ATAD2: variants seen among roughly 807,000 people sequenced by gnomAD.
ATAD2 encodes the protein ATPase family AAA domain-containing protein 2.
Under a neutral mutation model 168.9 loss-of-function variants are expected in ATAD2, and 62 were observed. That is an observed-to-expected ratio of 0.37 (90% CI 0.30 to 0.45). The LOEUF is 0.45. Ranked by LOEUF, ATAD2 falls within the 20% of genes least tolerant of loss-of-function variation. The pLI, the probability that ATAD2 is intolerant of heterozygous loss-of-function variation, is 1.00. For missense variants in ATAD2, 1,419 were observed against 1,667.8 expected, an observed-to-expected ratio of 0.85 and a Z score of 2.60; for synonymous variants, 613 against 571.6, an observed-to-expected ratio of 1.07 and a Z score of -1.03.
rs1563837124 is a variant in ATAD2 at position 123,337,724 on chromosome 8, ATCT to A, written c.2949_2951del (p.Glu983del). Reference sequence around the variant, plus strand: ...AGAAAATCCTCAGTTCTCTAAATGTATCTTCTTCTTGTTCTTCTAGTCGTTTCA... The same window carrying A: ...AGAAAATCCTCAGTTCTCTAAATGTATCTTCTTGTTCTTCTAGTCGTTTCA... On this transcript the variant is annotated inframe_deletion, in exon 21 of 28. Transcript: ENST00000287394. The A allele has an allele frequency of 2.5e-6, 4 of 1,613,846 alleles. No individual in the cohort carries two copies. The highest frequency in any genetic ancestry group is 1.7e-5 in the Admixed American group (1 of 59,952).
chr8:123,356,500 A>G, intron 12 of ATAD2, 23 bp from the exon 13 acceptor site: 1 of 1,563,642 alleles, frequency 6.4e-7, no homozygotes, highest in Non-Finnish European at 8.8e-7. Context: ...TGGAGTGGTC[A>G]TTTGTTAGCA....
At chr8:123,406,506 A>G (rs927776806) in intron 1 of ATAD2, among the ~76,000 whole-genome samples, 4 of 151,468 alleles carry the variant, frequency 2.6e-5, no homozygotes, top group African/African-American at 9.7e-5. Flanking sequence ...TTCTCTCTTT[A>G]TAATATTAAA....
upstream of ATAD2, among the ~76,000 whole-genome samples, chr8:123,398,413 T>A (rs538406067): frequency 3.2e-4 from 49 of 152,146 alleles, 1 homozygote; most frequent in African/African-American, 1.0e-3. Flanking sequence ...GTATTTTTAG[T>A]AGAGATGGGG....
At chr8:123,351,973 C>A (rs1305189996) in intron 13 of ATAD2, among the ~76,000 whole-genome samples, 1 of 152,160 alleles carries the variant, frequency 6.6e-6, no homozygotes, top group Non-Finnish European at 1.5e-5. Flanking sequence ...TGGTCTCGAT[C>A]TCCTGACCTC....
chr8:123,337,678 G>GGA lies in ATAD2; in HGVS notation c.2997_2998insTC (p.Leu1000SerfsTer26), dbSNP rs1827956383. 6 of 1,613,440 alleles carry GGA rather than the reference G, an allele frequency of 3.7e-6. No homozygotes were observed. In the Admixed American group the frequency reaches 6.7e-5, roughly 18 times the overall value. ...ACTCGGAATCGCTTGTCAATAGCAA[G>GGA]CCTATGTGTAACATTTCTTAAGAAA... On this transcript the variant is annotated frameshift_variant, in exon 21 of 28. Transcript: ENST00000287394. LOFTEE classifies it high-confidence loss of function.
At chr8:123,344,037 C>T (rs1046034113) in intron 19 of ATAD2, among the ~76,000 whole-genome samples, 3 of 152,220 alleles carry the variant, frequency 2.0e-5, no homozygotes, top group Admixed American at 6.5e-5. Context: ...ATGTAAAATA[C>T]TCTTTGATTC....
At chr8:123,374,332 G>A (rs193057306) in intron 2 of ATAD2, among the ~76,000 whole-genome samples, 5 of 152,290 alleles carry the variant, frequency 3.3e-5, no homozygotes, top group Admixed American at 3.3e-4. Context: ...CAGCCCGGGT[G>A]ACAGAGCACA....
chr8:123,376,036 C>T (rs1484675735), intron 2 of ATAD2, among the ~76,000 whole-genome samples: 2 of 148,932 alleles, frequency 1.3e-5, no homozygotes, highest in Admixed American at 6.7e-5. Flanking sequence ...ACCTGGGAGG[C>T]GAAGGTGGCA....
intron 13 of ATAD2, among the ~76,000 whole-genome samples, chr8:123,354,867 ATAT>A (rs1563847027): frequency 3.3e-4 from 22 of 66,016 alleles, no homozygotes; most frequent in South Asian, 2.0e-3. Flanking sequence ...AAAAAAAAAT[ATAT>A]ATATATATAT....
intron 24 of ATAD2, among the ~76,000 whole-genome samples, chr8:123,333,231 C>CAAAAAAA (rs71310667): frequency 1.4e-4 from 6 of 43,984 alleles, no homozygotes; most frequent in Admixed American, 4.3e-4. Context: ...TCTAAAAATA[C>CAAAAAAA]AAAAAAAAAA....
Position 123,337,692 on chromosome 8 carries a change from T to C in ATAD2, c.2984A>G (p.Asn995Ser). The change falls in exon 21 of 28, where the codon AAT becomes AGT. Residue 995 changes from asparagine to serine, a missense_variant. By Grantham distance (46) the Asn-to-Ser change is conservative. Coordinates refer to ENST00000287394, the MANE Select transcript of ATAD2 (RefSeq NM_014109.4). ...GTCAATAGCAAGCCTATGTGTAACA[T>C]TTCTTAAGAAAATCCTCAGTTCTCT... ...TFRELRIFLR[N>S]VTHRLAIDKR... 6.2e-7 allele frequency: 1 copy of C among 1,613,810 alleles called. No individual in the cohort carries two copies. Among genetic ancestry groups the C allele is most frequent in the Non-Finnish European group, 8.5e-7 (1 of 1,179,894 alleles).
intron 1 of ATAD2, among the ~76,000 whole-genome samples, chr8:123,389,597 G>A (rs190650615): frequency 1.3e-3 from 198 of 151,282 alleles, no homozygotes; most frequent in African/African-American, 4.5e-3. Context: ...CCCAGATCGC[G>A]CCACTGCACT....
intron 8 of ATAD2, among the ~76,000 whole-genome samples, chr8:123,363,811 G>A (rs1278682894): frequency 6.6e-6 from 1 of 152,068 alleles, no homozygotes; most frequent in African/African-American, 2.4e-5. Flanking sequence ...TGGAAAAGTG[G>A]ATTATTAGTA....
chr8:123,401,430 G>A, upstream of ATAD2: 2 of 1,398,736 alleles, frequency 1.4e-6, no homozygotes, highest in Non-Finnish European at 2.0e-6. Context: ...AACTGCCATG[G>A]TGTATTACGT....
At chr8:123,359,368 G>A in intron 10 of ATAD2, 32 bp from the exon 11 acceptor site, 1 of 1,499,958 alleles carries the variant, frequency 6.7e-7, no homozygotes, top group Non-Finnish European at 9.2e-7. Context: ...TACATTTTTA[G>A]ATTTGGAGTC....
chr8:123,381,082 C>T (rs1428558910), intron 1 of ATAD2, among the ~76,000 whole-genome samples: 1 of 152,168 alleles, frequency 6.6e-6, no homozygotes, highest in Non-Finnish European at 1.5e-5. Context: ...CACCTAACCA[C>T]CAGCAGCAAC....
intron 13 of ATAD2, among the ~76,000 whole-genome samples, chr8:123,355,735 G>C (rs1267620059): frequency 6.6e-6 from 1 of 152,066 alleles, no homozygotes. Flanking sequence ...TCAGTAACAG[G>C]TCAGAGATAA....
chr8:123,378,701 C>CAAAAAAAAAAAAAAAAAA (rs71808201), intron 2 of ATAD2, among the ~76,000 whole-genome samples: 8 of 73,038 alleles, frequency 1.1e-4, no homozygotes, highest in African/African-American at 4.1e-4. Flanking sequence ...GACTGTGTCT[C>CAAAAAAAAAAAAAAAAAA]AAAAAAAAAA....
At chr8:123,338,584 A>G (rs73705907) in intron 20 of ATAD2, among the ~76,000 whole-genome samples, 6,099 of 152,342 alleles carry the variant, frequency 0.04, 412 homozygotes, top group African/African-American at 0.14. Flanking sequence ...ATGAGCTGAC[A>G]AACTACTAAG....
Sources: gnomAD v4.1 joint callset for allele counts (sites outside exome capture counted in the v4.1 genomes callset) on GRCh38, gnomAD v4.1.1 for gene constraint, MANE v1.5 for transcripts, NCBI Gene and HGNC (gene_info 2026-07-23, HGNC 2026-07-21) for gene names.